Variants in MACROD2 observed in about 807,000 individuals in gnomAD.
MACROD2 encodes ADP-ribose glycohydrolase MACROD2.
MACROD2 carries 36 observed loss-of-function variants against 70.4 expected under a neutral mutation model. The ratio of observed to expected loss-of-function variants is 0.51; its 90% CI spans 0.39 to 0.68. The LOEUF is 0.68. Ranked by LOEUF, MACROD2 falls within the 30% of genes least tolerant of loss-of-function variation. The pLI is 0.00. For synonymous variants in MACROD2, 172 were observed against 178.8 expected, an observed-to-expected ratio of 0.96 and a Z score of 0.30; for missense variants, 496 against 538.4, an observed-to-expected ratio of 0.92 and a Z score of 0.78.
chr20:15,720,168 A>G (rs2050767877), intron 8 of MACROD2, among the ~76,000 whole-genome samples: 1 of 152,166 alleles, frequency 6.6e-6, no homozygotes, highest in Non-Finnish European at 1.5e-5. Flanking sequence ...TATTGCATAT[A>G]TTTACCACAT....
chr20:14,799,572 G>T (rs2072549762), intron 5 of MACROD2, among the ~76,000 whole-genome samples: 1 of 152,132 alleles, frequency 6.6e-6, no homozygotes, highest in Admixed American at 6.6e-5. Context: ...GCAAAAATAG[G>T]CATGGCATTG....
intron 3 of MACROD2, among the ~76,000 whole-genome samples, chr20:14,148,565 A>G (rs2054970979): frequency 6.6e-6 from 1 of 152,290 alleles, no homozygotes; most frequent in Non-Finnish European, 1.5e-5. Context: ...CAGTTTCTAT[A>G]CAGTCAAGGA....
intron 8 of MACROD2, among the ~76,000 whole-genome samples, chr20:15,842,481 T>TTTC (rs386393409): frequency 6.6e-6 from 1 of 151,268 alleles, no homozygotes; most frequent in Non-Finnish European, 1.5e-5. Context: ...TTTTTTTTTT[T>TTTC]TGCCTCTGTA....
At chr20:15,861,151 G>T (rs2064419090) in intron 8 of MACROD2, among the ~76,000 whole-genome samples, 1 of 151,990 alleles carries the variant, frequency 6.6e-6, no homozygotes, top group Non-Finnish European at 1.5e-5. Flanking sequence ...TATTTAAACA[G>T]TACTTATGAA....
rs1304013235 is a variant in MACROD2, at chr20:15,933,223, T to TA, written c.776-52dup. The TA allele has an allele frequency of 1.9e-6, 3 of 1,551,880 alleles. No individual in the cohort carries two copies. The African/African-American group carries it at 4.1e-5, about 21-fold the overall frequency. On this transcript the variant is annotated intron_variant, in intron 10 of 17. Coordinates refer to ENST00000684519, the MANE Select transcript of MACROD2 (RefSeq NM_001351661.2). ...GTGCTGCATATTAGCCGTAAAGAGA[T>TA]ATTTCACAAATTGACTTGATGCATT...
At chr20:14,393,162 G>C (rs967573224) in intron 3 of MACROD2, among the ~76,000 whole-genome samples, 3 of 152,090 alleles carry the variant, frequency 2.0e-5, no homozygotes, top group African/African-American at 7.2e-5. Context: ...TGTTAAATGA[G>C]AGCTGATCAA....
At chr20:15,934,899 T>C (rs1213704837) in intron 11 of MACROD2, among the ~76,000 whole-genome samples, 4 of 152,018 alleles carry the variant, frequency 2.6e-5, no homozygotes, top group African/African-American at 9.7e-5. Context: ...GGTTTCACCA[T>C]GTTGGTCTCG....
chr20:14,139,453 A>G (rs1273274697), intron 3 of MACROD2, among the ~76,000 whole-genome samples: 2 of 152,232 alleles, frequency 1.3e-5, no homozygotes, highest in Non-Finnish European at 2.9e-5. Flanking sequence ...GTACTGCACC[A>G]TAGAGAAAAC....
intron 7 of MACROD2, among the ~76,000 whole-genome samples, chr20:15,486,667 T>C (rs1348223672): frequency 1.3e-5 from 2 of 152,142 alleles, no homozygotes. Context: ...GTATGAAGGA[T>C]TTATTATGCA....
intron 11 of MACROD2, among the ~76,000 whole-genome samples, chr20:15,935,824 A>G (rs1415221698): frequency 6.6e-6 from 1 of 152,354 alleles, no homozygotes; most frequent in East Asian, 1.9e-4. Flanking sequence ...AATAAAAATG[A>G]TAACATCAAT....
chr20:15,965,898 A>G (rs1391876832), intron 12 of MACROD2, among the ~76,000 whole-genome samples: 2 of 152,212 alleles, frequency 1.3e-5, no homozygotes, highest in Admixed American at 1.3e-4. Flanking sequence ...AGCTGTGCAG[A>G]TAATTAAACA....
intron 3 of MACROD2, among the ~76,000 whole-genome samples, chr20:14,279,521 A>G (rs1338600637): frequency 1.3e-5 from 2 of 152,176 alleles, no homozygotes; most frequent in Non-Finnish European, 2.9e-5. Context: ...ATTTTATCAG[A>G]TAATTTACTT....
At position 15,237,792 on chromosome 20, in the gene MACROD2, AT is replaced by A. The variant is rs879386996; in HGVS notation, c.540+7743del. ...TCTGAGGGAGGAGAAAAGCTGGACT[AT>A]TTTTTTTTTTTATCTTTCCCCCTTC... On this transcript the variant is annotated intron_variant, in intron 6 of 17. Transcript: ENST00000684519. Among the ~76,000 whole-genome samples the A allele has an allele frequency of 2.4e-3, 354 of 145,198 alleles. 1 individual carries two copies. Among genetic ancestry groups the A allele is most frequent in the South Asian group, 2.6e-3 (12 of 4,594 alleles).
At chr20:14,136,841 G>A (rs1569174749) in intron 3 of MACROD2, among the ~76,000 whole-genome samples, 7 of 152,152 alleles carry the variant, frequency 4.6e-5, no homozygotes, top group African/African-American at 1.7e-4. Flanking sequence ...CCATTTTTCT[G>A]AACCTTAACA....
At chr20:15,487,059 G>C (rs546054240) in intron 7 of MACROD2, among the ~76,000 whole-genome samples, 1 of 152,044 alleles carries the variant, frequency 6.6e-6, no homozygotes, top group Non-Finnish European at 1.5e-5. Flanking sequence ...TAGTTATCTC[G>C]GACATTCTCT....
At chr20:14,089,095 G>A (rs1304921802) in intron 3 of MACROD2, among the ~76,000 whole-genome samples, 7 of 152,152 alleles carry the variant, frequency 4.6e-5, no homozygotes, top group Admixed American at 6.5e-5. Context: ...ATGAAGACAG[G>A]CAGCAACTTT....
chr20:14,755,414 A>T (rs2071926865), intron 5 of MACROD2, among the ~76,000 whole-genome samples: 1 of 152,024 alleles, frequency 6.6e-6, no homozygotes, highest in African/African-American at 2.4e-5. Flanking sequence ...TTAAAATCAG[A>T]GACAAGTGCC....
intron 6 of MACROD2, among the ~76,000 whole-genome samples, chr20:15,295,073 A>C (rs2077574048): frequency 6.6e-6 from 1 of 152,180 alleles, no homozygotes; most frequent in South Asian, 2.1e-4. Context: ...TCATGGGGGC[A>C]AATTTTCCCA....
chr20:14,454,206 ATTCT>A (rs1256983663), intron 3 of MACROD2, among the ~76,000 whole-genome samples: 2 of 151,866 alleles, frequency 1.3e-5, no homozygotes, highest in African/African-American at 2.4e-5. Context: ...TTAAAATTCT[ATTCT>A]TTCTTATAAA....
Sources: gnomAD v4.1 joint callset for allele counts (sites outside exome capture counted in the v4.1 genomes callset) on GRCh38, gnomAD v4.1.1 for gene constraint, MANE v1.5 for transcripts, NCBI Gene and HGNC (gene_info 2026-07-23, HGNC 2026-07-21) for gene names.